Variants in DVL2 observed in about 807,000 individuals in gnomAD.
The protein encoded by DVL2 is segment polarity protein dishevelled homolog DVL-2.
In DVL2, 38 loss-of-function variants were observed where a neutral mutation model predicts 69.8. The ratio of observed to expected loss-of-function variants is 0.54; its 90% CI spans 0.42 to 0.71. The LOEUF (loss-of-function observed/expected upper bound fraction) is 0.71. Among genes scored for constraint, DVL2 ranks in the 30% least tolerant of loss-of-function variants. The pLI is 0.00. For missense variants in DVL2, 931 were observed against 1,008.1 expected, an observed-to-expected ratio of 0.92 and a Z score of 1.04; for synonymous variants, 428 against 392.4, an observed-to-expected ratio of 1.09 and a Z score of -1.07.
rs749333752 is a variant in DVL2 at position 7,229,486 on chromosome 17, C to T, written c.748-39G>A. On this transcript the variant is annotated intron_variant, in intron 6 of 14. Coordinates refer to ENST00000005340, the MANE Select transcript of DVL2 (RefSeq NM_004422.3). This position sits in a 1 kb window ranked among gnomAD's most constrained non-coding sequence, Gnocchi z 4.4. Reference sequence around the variant, plus strand: ...AGGAGCCAGAGTGCCCTTCAATAACCCAGGGTCAACCCTGGGGTGCTGCCG... The same window carrying T: ...AGGAGCCAGAGTGCCCTTCAATAACTCAGGGTCAACCCTGGGGTGCTGCCG... The T allele has an allele frequency of 5.0e-6, 8 of 1,613,802 alleles. No homozygotes were observed. The East Asian group carries it at 1.8e-4, about 36-fold the overall frequency.
chr17:7,229,343 C>A lies in DVL2; in HGVS notation c.817+35G>T. On this transcript the variant is annotated intron_variant, in intron 7 of 14. Transcript: ENST00000005340. The surrounding 1 kb of genome is among the most constrained non-coding windows in gnomAD (Gnocchi z 4.4). ...ACGCCCGGAACCCTAGAGACCAGGC[C>A]CTCCCCACGCCCTAGCCACAGGCTC... The A allele has an allele frequency of 6.2e-7, 1 of 1,613,590 alleles. No individual in the cohort carries two copies. The highest frequency in any genetic ancestry group is 8.5e-7 in the Non-Finnish European group (1 of 1,179,822).
intron 1 of DVL2, chr17:7,233,834 T>C: frequency 1.7e-6 from 1 of 592,590 alleles, no homozygotes; most frequent in Non-Finnish European, 3.0e-6. Flanking sequence ...CCTATTCCAG[T>C]AAAGCCTAAT....
chr17:7,227,924 CT>C (rs1427547681), intron 10 of DVL2, 52 bp downstream of exon 10: 17 of 1,576,822 alleles, frequency 1.1e-5, no homozygotes, highest in Non-Finnish European at 1.5e-5. Context: ...CGGCCCCAGC[CT>C]CCTGGGCAGC....
At position 7,225,563 on chromosome 17, in the gene DVL2, G is replaced by A; in HGVS notation, c.*302C>T. ...TGGGGTTAGAAGGGGCCCAATGGAT[G>A]GGAATTCTTCATATAAAAGAGGAAA... On this transcript the variant is annotated 3_prime_UTR_variant, in exon 15 of 15. Transcript: ENST00000005340. 2.2e-6 allele frequency: 1 copy of A among 448,068 alleles called. No individual in the cohort carries two copies. Among genetic ancestry groups the A allele is most frequent in the South Asian group, 2.4e-5 (1 of 41,798 alleles). 27.8% of individuals were successfully genotyped at this position (448,068 alleles called of 1,614,324 possible).
At chr17:7,228,852 G>A in intron 9 of DVL2, 117 bp downstream of exon 9, 1 of 1,057,146 alleles carries the variant, frequency 9.5e-7, no homozygotes, top group East Asian at 2.5e-5. Flanking sequence ...AAAGTGCTGG[G>A]TTTACAGGCT....
chr17:7,229,277 G>A lies in DVL2; in HGVS notation c.818-3C>T, dbSNP rs768040653. On this transcript the variant is annotated splice_region_variant and splice_polypyrimidine_tract_variant and intron_variant, in intron 7 of 14. Coordinates refer to ENST00000005340, the MANE Select transcript of DVL2 (RefSeq NM_004422.3). This position sits in a 1 kb window ranked among gnomAD's most constrained non-coding sequence, Gnocchi z 4.4. Reference sequence around the variant, plus strand: ...GATACCCAGGAAGTTGTACTTCTCTGTGGAGAGAGGCCATGTGAAAAGAGG... The same window carrying A: ...GATACCCAGGAAGTTGTACTTCTCTATGGAGAGAGGCCATGTGAAAAGAGG... 1 of 1,613,972 alleles carries A rather than the reference G, an allele frequency of 6.2e-7. No individual in the cohort carries two copies.
chr17:7,231,109 G>A (rs555382363), intron 1 of DVL2, among the ~76,000 whole-genome samples: 2 of 152,152 alleles, frequency 1.3e-5, no homozygotes, highest in Non-Finnish European at 2.9e-5. Flanking sequence ...GGCTGCCTGA[G>A]ATACCTATCT....
In DVL2 at chr17:7,227,702, C is replaced by T. The variant is rs749913377; in HGVS notation, c.1184G>A (p.Gly395Asp). 5.0e-6 allele frequency: 8 copies of T among 1,613,122 alleles called. 1 individual carries two copies. The Middle Eastern group carries it at 6.6e-4, about 133-fold the overall frequency. The change falls in exon 11 of 15, where the codon GGT becomes GAT. Residue 395 changes from glycine (G) to aspartate (D), a missense_variant. By Grantham distance (94) the Gly-to-Asp change is moderately conservative. Transcript: ENST00000005340. ...TGTAATGGTGCTCATGGAGGAGGAACCTGGATAGGCTGGGAAGGTGCCAGT... is the reference window on the plus strand; with the variant it reads ...TGTAATGGTGCTCATGGAGGAGGAATCTGGATAGGCTGGGAAGGTGCCAGT... ...ALTGTFPAYPGSSSMSTITSG... is the reference protein window; with the variant it reads ...ALTGTFPAYPDSSSMSTITSG...
chr17:7,231,238 C>CG (rs2071538082), intron 1 of DVL2, among the ~76,000 whole-genome samples: 1 of 151,818 alleles, frequency 6.6e-6, no homozygotes, highest in Non-Finnish European at 1.5e-5. Context: ...CTGAGGCGGG[C>CG]GGATCACCTG....
Position 7,226,066 on chromosome 17 carries a change from G to C in DVL2, c.2010C>G (p.Pro670=). The C allele has an allele frequency of 6.2e-7, 1 of 1,603,088 alleles. No individual in the cohort carries two copies. The highest frequency in any genetic ancestry group is 1.1e-5 in the South Asian group (1 of 89,904). ...GGTTGTAGGGGAGGGCCATGCCAGG[G>C]GGCGGTCCATAGGGATGGAGCCCTG... is the stretch of plus-strand genomic sequence containing the variant. ...AHPGLHPYGP[P]PGMALPYNPM... The change falls in exon 15 of 15, where the codon CCC becomes CCG. Residue 670 remains proline (P), a synonymous_variant. Transcript: ENST00000005340.
chr17:7,226,875 G>T (rs901469844), intron 13 of DVL2: 2 of 632,852 alleles, frequency 3.2e-6, no homozygotes, highest in Non-Finnish European at 5.3e-6. Flanking sequence ...CCTTCCCCCG[G>T]TGGACACAGT....
Position 7,230,124 on chromosome 17 carries a change from C to G in DVL2, c.442G>C (p.Glu148Gln), listed in dbSNP as rs768843844. The G allele has an allele frequency of 2.7e-5, 44 of 1,614,090 alleles. No individual in the cohort carries two copies. Among genetic ancestry groups the G allele is most frequent in the Non-Finnish European group, 3.4e-5 (40 of 1,180,048 alleles). ...PNVSSSHENL[E>Q]PETETESVVS... ...ACTGACTCGGTTTCTGTCTCAGGCT[C>G]CAGATTCTCATGGCTGCTGGACACA... The change falls in exon 4 of 15, where the codon GAG becomes CAG. Residue 148 changes from glutamate (E) to glutamine (Q), a missense_variant. Glu to Gln is a conservative substitution (Grantham distance 29, BLOSUM62 2). This residue lies in a region of DVL2 where 555 missense variants were observed against 588.8 expected (regional missense o/e 0.94). Coordinates refer to ENST00000005340, the MANE Select transcript of DVL2 (RefSeq NM_004422.3).
In DVL2 at chr17:7,229,032, T is replaced by C. The variant is rs2071500413; in HGVS notation, c.971A>G (p.Asn324Ser). The C allele has an allele frequency of 6.2e-7, 1 of 1,614,046 alleles. No individual in the cohort carries two copies. Among genetic ancestry groups the C allele is most frequent in the Non-Finnish European group, 8.5e-7 (1 of 1,180,020 alleles). Residue 324 changes from asparagine to serine, a missense_variant, in exon 9 of 15, where the codon AAC (asparagine) becomes AGC (serine). By Grantham distance (46) the Asn-to-Ser change is conservative. This residue lies in a region of DVL2 where 555 missense variants were observed against 588.8 expected (regional missense o/e 0.94). Coordinates refer to ENST00000005340, the MANE Select transcript of DVL2 (RefSeq NM_004422.3). The surrounding 1 kb of genome is among the most constrained non-coding windows in gnomAD (Gnocchi z 4.4). ...GTCATCGTTGCTCATGTTCTCAAAGTTCATGTCATTCACCTGGAAGCGACG... is the reference window on the plus strand; with the variant it reads ...GTCATCGTTGCTCATGTTCTCAAAGCTCATGTCATTCACCTGGAAGCGACG... ...GDMLLQVNDM[N>S]FENMSNDDAV...
rs1455282359 is a variant in DVL2, at chr17:7,230,017, C to T, written c.520+29G>A. On this transcript the variant is annotated intron_variant, in intron 4 of 14. Coordinates refer to ENST00000005340, the MANE Select transcript of DVL2 (RefSeq NM_004422.3). Reference sequence around the variant, plus strand: ...CACCAAGGCTGGGGTCTGGCCCAGCCCTTCCCGGCCCCCAGGCCTGCCCCT... The same window carrying T: ...CACCAAGGCTGGGGTCTGGCCCAGCTCTTCCCGGCCCCCAGGCCTGCCCCT... 5 of 1,612,564 alleles carry T rather than the reference C, an allele frequency of 3.1e-6. No homozygotes were observed. The South Asian group carries it at 5.5e-5, about 18-fold the overall frequency.
rs141137544 is a variant in DVL2 at position 7,232,619 on chromosome 17, A to G, written c.194+1450T>C. ...CAGATGAGATCAAGACACAAAATTT[A>G]AATAAATTGTCCAAGATTACATTGC... On this transcript the variant is annotated intron_variant, in intron 1 of 14. Transcript: ENST00000005340. 1.2e-3 allele frequency among the ~76,000 whole-genome samples: 185 copies of G among 152,366 alleles called. 1 individual carries two copies. The highest frequency in any genetic ancestry group is 4.3e-3 in the African/African-American group (178 of 41,582).
In DVL2 at chr17:7,234,479, G is replaced by A. The variant is rs1180589057; in HGVS notation, c.-217C>T. 2.4e-5 allele frequency: 13 copies of A among 550,118 alleles called. No homozygotes were observed. The highest frequency in any genetic ancestry group is 8.1e-5 in the African/African-American group (4 of 49,338). 34.1% of individuals were successfully genotyped at this position (550,118 alleles called of 1,614,324 possible). ...GCCCCGGTCTCAGCGGCCGCCGCGC[G>A]CCACCGCCACCGACGCCGCGAGCTT... On this transcript the variant is annotated 5_prime_UTR_variant, in exon 1 of 15. Transcript: ENST00000005340.
chr17:7,227,413 C>T lies in DVL2; in HGVS notation c.1354G>A (p.Ala452Thr). The T allele has an allele frequency of 6.2e-7, 1 of 1,614,176 alleles. No homozygotes were observed. The highest frequency in any genetic ancestry group is 8.5e-7 in the Non-Finnish European group (1 of 1,179,998). Residue 452 changes from alanine to threonine, a missense_variant, in exon 12 of 15, where the codon GCC (alanine) becomes ACC (threonine). By Grantham distance (58) the Ala-to-Thr change is moderately conservative. This residue lies in a region of DVL2 where 62 missense variants were observed against 105.7 expected (regional missense o/e 0.59). Transcript: ENST00000005340. Reference protein sequence around the residue: ...RMWLKITIPNAFLGSDVVDWL... With the variant: ...RMWLKITIPNTFLGSDVVDWL... ...CAGGACCCAGCCATACCCAGAAAGG[C>T]ATTAGGGATGGTGATCTTGAGCCAC...
In DVL2 at chr17:7,230,267, A is replaced by C; in HGVS notation, c.410+18T>G. ...TCCTCACCTCCCTCCCCTGCAGTCA[A>C]GAATCTGAAGGACTCACTGGAAGGA... On this transcript the variant is annotated intron_variant, in intron 3 of 14. Transcript: ENST00000005340. 6.2e-7 allele frequency: 1 copy of C among 1,613,958 alleles called. No individual in the cohort carries two copies. The highest frequency in any genetic ancestry group is 8.5e-7 in the Non-Finnish European group (1 of 1,179,924).
intron 1 of DVL2, among the ~76,000 whole-genome samples, chr17:7,233,351 C>T (rs1453027568): frequency 2.0e-5 from 3 of 152,076 alleles, no homozygotes; most frequent in Admixed American, 2.0e-4. Context: ...CCTTGTCTGC[C>T]CCTATACCGA....
Sources: gnomAD v4.1 joint callset for allele counts (sites outside exome capture counted in the v4.1 genomes callset) on GRCh38, gnomAD v4.1.1 for gene constraint, gnomAD v4.1.1 regional missense constraint, Gnocchi (gnomAD v3.1) non-coding constraint, MANE v1.5 for transcripts, NCBI Gene and HGNC (gene_info 2026-07-23, HGNC 2026-07-21) for gene names.